LRP1B: variants seen among roughly 807,000 people sequenced by gnomAD.
LRP1B encodes the protein LDL receptor related protein 1B, also known as low-density lipoprotein receptor-related protein 1B.
Under a neutral mutation model 556.6 loss-of-function variants are expected in LRP1B, and 217 were observed. That is an observed-to-expected ratio of 0.39 (90% CI 0.35 to 0.44). The LOEUF is 0.44. Ranked by LOEUF, LRP1B falls within the 20% of genes least tolerant of loss-of-function variation. LRP1B has a pLI of 1.00. For synonymous variants in LRP1B, 2,047 were observed against 1,865.8 expected (o/e 1.10, Z -2.50); for missense variants, 5,053 against 5,620.8 (o/e 0.90, Z 3.23).
rs374540042 is a variant in LRP1B at position 140,995,550 on chromosome 2, T to C, written c.2504-1415A>G. Reference sequence around the variant, plus strand: ...AAAGAGCTTTTATTCATAGTCTTAATTGATCATTATGATAACCTATAAGGC... The same window carrying C: ...AAAGAGCTTTTATTCATAGTCTTAACTGATCATTATGATAACCTATAAGGC... On this transcript the variant is annotated intron_variant, in intron 15 of 90. Coordinates refer to ENST00000389484, the MANE Select transcript of LRP1B (RefSeq NM_018557.3). Among the ~76,000 whole-genome samples the C allele has an allele frequency of 1.0e-3, 156 of 152,158 alleles. 6 individuals are homozygous for C. The East Asian group carries it at 0.018, about 18-fold the overall frequency.
chr2:141,947,390 T>A (rs1443042255), intron 1 of LRP1B, among the ~76,000 whole-genome samples: 1 of 151,800 alleles, frequency 6.6e-6, no homozygotes, highest in Non-Finnish European at 1.5e-5. Flanking sequence ...TGAGCAGAGA[T>A]CACGCCACTG....
chr2:140,374,601 C>T (rs1683137762), intron 68 of LRP1B, among the ~76,000 whole-genome samples: 1 of 152,146 alleles, frequency 6.6e-6, no homozygotes, highest in African/African-American at 2.4e-5. Context: ...GCTGTATTCT[C>T]CATACTATTA....
chr2:141,293,388 C>A (rs774581106), intron 3 of LRP1B, among the ~76,000 whole-genome samples: 12 of 152,144 alleles, frequency 7.9e-5, no homozygotes, highest in Admixed American at 4.6e-4. Context: ...GCCATTTGCC[C>A]TCTCTCAGAG....
At chr2:140,325,906 T>C (rs768578890) in intron 79 of LRP1B, 28 bp from the exon 80 acceptor site, 3 of 1,304,696 alleles carry the variant, frequency 2.3e-6, no homozygotes, top group Non-Finnish European at 3.3e-6. Flanking sequence ...ACAAGACAAA[T>C]AGTGCAAGTA....
chr2:142,068,142 A>C (rs1705176798), intron 1 of LRP1B, among the ~76,000 whole-genome samples: 1 of 151,484 alleles, frequency 6.6e-6, no homozygotes, highest in Non-Finnish European at 1.5e-5. Flanking sequence ...AGAATTAATA[A>C]AACAGAATCT....
chr2:141,651,016 T>C (rs1367968870), intron 2 of LRP1B, among the ~76,000 whole-genome samples: 1 of 152,224 alleles, frequency 6.6e-6, no homozygotes, highest in Non-Finnish European at 1.5e-5. Flanking sequence ...TTAAATAATA[T>C]TAATCGTTCA....
intron 74 of LRP1B, 127 bp from the exon 75 acceptor site, chr2:140,356,603 A>G: frequency 9.5e-6 from 6 of 629,930 alleles, no homozygotes; most frequent in Non-Finnish European, 1.6e-5. Context: ...GTACAAGGTT[A>G]CGGTCTTCTC....
chr2:140,764,273 AC>A (rs1291085215), intron 35 of LRP1B, among the ~76,000 whole-genome samples: 4 of 152,192 alleles, frequency 2.6e-5, no homozygotes, highest in Non-Finnish European at 5.9e-5. Context: ...ACGATCTTCT[AC>A]TAGCACAAAT....
At chr2:140,803,544 C>T (rs573230188) in intron 32 of LRP1B, among the ~76,000 whole-genome samples, 96 of 152,050 alleles carry the variant, frequency 6.3e-4, no homozygotes, top group Non-Finnish European at 3.5e-4. Context: ...GTGATCCACT[C>T]GCCTTGGCCT....
rs547969821 is a variant in LRP1B at position 141,891,978 on chromosome 2, C to T, written c.83-81577G>A. ...TGATCTTAAGAAATAAAACAACATT[C>T]ATTTGTCTCTAAGTTTATCATTCTA... is the stretch of plus-strand genomic sequence containing the variant. On this transcript the variant is annotated intron_variant, in intron 1 of 90. Transcript: ENST00000389484. Among the ~76,000 whole-genome samples, 202 of 152,038 alleles carry T rather than the reference C, an allele frequency of 1.3e-3. 1 individual carries two copies. The highest frequency in any genetic ancestry group is 3.4e-3 in the Middle Eastern group (1 of 292).
Position 141,849,837 on chromosome 2 carries a change from G to A in LRP1B, c.83-39436C>T, listed in dbSNP as rs16847354. ...CTTAATATTTCAAAATTCCATCTAG[G>A]ATGTATATACCATTTATGAGATTTC... is the stretch of plus-strand genomic sequence containing the variant. On this transcript the variant is annotated intron_variant, in intron 1 of 90. Transcript: ENST00000389484. Among the ~76,000 whole-genome samples the A allele has an allele frequency of 4.3e-3, 653 of 151,520 alleles. 6 individuals carry two copies. Among genetic ancestry groups the A allele is most frequent in the African/African-American group, 0.015 (613 of 41,436 alleles).
chr2:141,758,619 A>T lies in LRP1B; in HGVS notation c.205+51660T>A, dbSNP rs150712433. 2.0e-3 allele frequency among the ~76,000 whole-genome samples: 297 copies of T among 152,222 alleles called. 1 individual carries two copies. Among genetic ancestry groups the T allele is most frequent in the African/African-American group, 6.8e-3 (284 of 41,568 alleles). ...AACAAGGTATGTATTTACTTAGAGT[A>T]TTGATTGCTTGTTACAATCTAGATA... On this transcript the variant is annotated intron_variant, in intron 2 of 90. Coordinates refer to ENST00000389484, the MANE Select transcript of LRP1B (RefSeq NM_018557.3).
intron 2 of LRP1B, among the ~76,000 whole-genome samples, chr2:141,587,319 G>A (rs1687177393): frequency 6.6e-6 from 1 of 152,172 alleles, no homozygotes; most frequent in Non-Finnish European, 1.5e-5. Context: ...CCAAGGAACA[G>A]CATCATATAG....
At chr2:140,842,129 G>A (rs1692128022) in intron 29 of LRP1B, among the ~76,000 whole-genome samples, 1 of 152,190 alleles carries the variant, frequency 6.6e-6, no homozygotes, top group African/African-American at 2.4e-5. Context: ...CTTCTGAGCA[G>A]CTGCTACCTA....
At position 140,923,065 on chromosome 2, in the gene LRP1B, A is replaced by G; in HGVS notation, c.3219T>C (p.Cys1073=). The change falls in exon 21 of 91, where the codon TGT becomes TGC. Residue 1073 remains cysteine, a synonymous_variant. Coordinates refer to ENST00000389484, the MANE Select transcript of LRP1B (RefSeq NM_018557.3). ...CATCTTCACAGTCTTTTTCTCCATC[A>G]CAGCGCCACAAATCAGGAACGCAAT... ...DGNCVPDLWR[C]DGEKDCEDGS... 3 of 1,613,120 alleles carry G rather than the reference A, an allele frequency of 1.9e-6. No homozygotes were observed. The highest frequency in any genetic ancestry group is 1.1e-5 in the South Asian group (1 of 91,050).
chr2:140,376,264 A>G (rs1274971714), intron 68 of LRP1B, among the ~76,000 whole-genome samples: 3 of 152,138 alleles, frequency 2.0e-5, no homozygotes, highest in Non-Finnish European at 4.4e-5. Context: ...CTACTTTCAC[A>G]TGAATAAGAT....
chr2:141,036,663 C>T (rs1007489633), intron 11 of LRP1B, among the ~76,000 whole-genome samples: 1 of 152,018 alleles, frequency 6.6e-6, no homozygotes, highest in Non-Finnish European at 1.5e-5. Flanking sequence ...GGGTAAGAAA[C>T]CCCCTGGTCC....
At chr2:140,993,261 C>T (rs1245833454) in intron 16 of LRP1B, among the ~76,000 whole-genome samples, 1 of 151,940 alleles carries the variant, frequency 6.6e-6, no homozygotes. Context: ...CAACACATGC[C>T]TTCTTTTCAT....
intron 2 of LRP1B, among the ~76,000 whole-genome samples, chr2:141,618,521 A>G (rs746547683): frequency 6.6e-6 from 1 of 152,230 alleles, no homozygotes; most frequent in Non-Finnish European, 1.5e-5. Context: ...AATAAGCATT[A>G]CTTTGAGAAA....
Sources: allele counts gnomAD v4.1 joint callset (sites outside exome capture counted in the v4.1 genomes callset), GRCh38; gene constraint gnomAD v4.1.1; transcripts MANE v1.5; gene names NCBI Gene and HGNC (gene_info 2026-07-23, HGNC 2026-07-21).